The following KCNQ1 variants were observed in gnomAD, a reference collection of about 807,000 sequenced individuals.
KCNQ1 encodes the protein potassium voltage-gated channel subfamily KQT member 1.
KCNQ1 carries 49 observed loss-of-function variants against 72.4 expected under a neutral mutation model. The observed-to-expected ratio is 0.68, with a 90% CI of 0.54 to 0.86. The LOEUF (loss-of-function observed/expected upper bound fraction) is 0.86, where lower values mean the gene tolerates loss of function less well. KCNQ1 is among the 40% of genes least tolerant of loss of function. The probability of loss-of-function intolerance (pLI) is 0.00; values close to 1 mark genes in which losing one functional copy is unlikely to be tolerated. For synonymous variants in KCNQ1, 450 were observed against 412.6 expected (o/e 1.09, Z -1.10); for missense variants, 790 against 945.1 (o/e 0.84, Z 2.15).
rs1590043213 is a variant in KCNQ1 at position 2,703,969 on chromosome 11, AACGTGGGGG to A, written c.1514+41890_1514+41898del. ...CACGCTGCTCTCAGGAGTGGACAGG[AACGTGGGGG>A]AGTGGGGGTGGTTAGGACCTCAGGG... On this transcript the variant is annotated intron_variant, in intron 11 of 15. Coordinates refer to ENST00000155840, the MANE Select transcript of KCNQ1 (RefSeq NM_000218.3). This position sits in a 1 kb window ranked among gnomAD's most constrained non-coding sequence, Gnocchi z 6.4. 6.6e-6 allele frequency among the ~76,000 whole-genome samples: 1 copy of A among 152,196 alleles called. No individual in the cohort carries two copies.
At chr11:2,490,417 G>T (rs2133625497) in intron 1 of KCNQ1, among the ~76,000 whole-genome samples, 1 of 152,340 alleles carries the variant, frequency 6.6e-6, no homozygotes, top group South Asian at 2.1e-4. Context: ...GAGCCCTGGG[G>T]CTTTGAGTGA....
At chr11:2,628,467 A>C (rs10766236) in intron 10 of KCNQ1, 355,439 of 398,310 alleles carry the variant, frequency 0.89, 158,734 homozygotes, top group East Asian at 0.91. Context: ...TCCCTTGTCC[A>C]TCTTAACAGG....
At chr11:2,514,570 G>A (rs935349429) in intron 1 of KCNQ1, among the ~76,000 whole-genome samples, 1 of 152,222 alleles carries the variant, frequency 6.6e-6, no homozygotes, top group Non-Finnish European at 1.5e-5. Flanking sequence ...GGTGGCTCAC[G>A]CCTGTAATCC....
In KCNQ1 at chr11:2,624,919, C is replaced by A; in HGVS notation, c.1393+36065C>A. The A allele has an allele frequency of 2.5e-6, 1 of 398,270 alleles. No individual in the cohort carries two copies. The highest frequency in any genetic ancestry group is 4.4e-6 in the Non-Finnish European group (1 of 226,044). The allele number at this position is 398,270 out of a possible 1,614,324, so 24.7% of individuals were successfully genotyped here. A position where few individuals can be genotyped will look rare whatever the true frequency, so the allele number is the denominator to read the frequency against. ...CATGTTGTGGCATGTGTCAAAATTT[C>A]TATTTTTTTTAAAGCTGAATAATAT... is the stretch of plus-strand genomic sequence containing the variant. On this transcript the variant is annotated intron_variant, in intron 10 of 15. Transcript: ENST00000155840. The surrounding 1 kb of genome is among the most constrained non-coding windows in gnomAD (Gnocchi z 4.9).
rs1050633465 is a variant in KCNQ1, at chr11:2,725,867, G to A, written c.1515-42977G>A. ...CTCCCTGGGGCCCCACAGGCCAAGC[G>A]TTTTCTGACTTGGAGAGGCAGGAGG... On this transcript the variant is annotated intron_variant, in intron 11 of 15. Coordinates refer to ENST00000155840, the MANE Select transcript of KCNQ1 (RefSeq NM_000218.3). This position sits in a 1 kb window ranked among gnomAD's most constrained non-coding sequence, Gnocchi z 7.2. Among the ~76,000 whole-genome samples, 2 of 150,514 alleles carry A rather than the reference G, an allele frequency of 1.3e-5. No homozygotes were observed. Among genetic ancestry groups the A allele is most frequent in the Non-Finnish European group, 3.0e-5 (2 of 67,664 alleles).
At position 2,712,973 on chromosome 11, in the gene KCNQ1, TCCTGGTAAGTATGAGGAACCAGAGA is replaced by T. The variant is rs1211590777; in HGVS notation, c.1514+50914_1514+50938del. Among the ~76,000 whole-genome samples, 7 of 151,920 alleles carry T rather than the reference TCCTGGTAAGTATGAGGAACCAGAGA, an allele frequency of 4.6e-5. No individual in the cohort carries two copies. Among genetic ancestry groups the T allele is most frequent in the Non-Finnish European group, 1.0e-4 (7 of 68,000 alleles). ...GGTTGTAAACAGGGTGGGGCAGGGG[TCCTGGTAAGTATGAGGAACCAGAGA>T]CCTGGTAAGTATGAGGAACCACCCC... On this transcript the variant is annotated intron_variant, in intron 11 of 15. Coordinates refer to ENST00000155840, the MANE Select transcript of KCNQ1 (RefSeq NM_000218.3). This position sits in a 1 kb window ranked among gnomAD's most constrained non-coding sequence, Gnocchi z 6.4.
intron 15 of KCNQ1, among the ~76,000 whole-genome samples, chr11:2,839,370 G>A (rs1193636367): frequency 5.3e-5 from 8 of 152,256 alleles, no homozygotes; most frequent in African/African-American, 1.9e-4. Context: ...TGACATGAAT[G>A]TCCGCACGGA....
rs1484434548 is a variant in KCNQ1, at chr11:2,536,437, C to G, written c.477+8419C>G. ...GGAGTGGAGGCTGGCGCTGCCCTGC[C>G]CCACAGGGTGGCTGGCAGGGCTCAG... On this transcript the variant is annotated intron_variant, in intron 2 of 15. Transcript: ENST00000155840. This position sits in a 1 kb window ranked among gnomAD's most constrained non-coding sequence, Gnocchi z 7.4. Among the ~76,000 whole-genome samples, 1 of 152,096 alleles carries G rather than the reference C, an allele frequency of 6.6e-6. No individual in the cohort carries two copies. The highest frequency in any genetic ancestry group is 6.5e-5 in the Admixed American group (1 of 15,272).
rs373475618 is a variant in KCNQ1 at position 2,771,497 on chromosome 11, G to T, written c.1590+2578G>T. The T allele has an allele frequency of 7.9e-5, 12 of 152,330 alleles. No homozygotes were observed. The East Asian group carries it at 1.3e-3, about 17-fold the overall frequency. 9.4% of individuals were successfully genotyped at this position (152,330 alleles called of 1,614,324 possible). A position where few individuals can be genotyped will look rare whatever the true frequency, so the allele number is the denominator to read the frequency against. On this transcript the variant is annotated intron_variant, in intron 12 of 15. Transcript: ENST00000155840. ...TGATGTGGCTGAACCAAGAAAAAAA[G>T]CACACGATTTCTACAGATATTATGA...
rs1850292144 is a variant in KCNQ1, at chr11:2,676,238, G to T, written c.1514+14157G>T. Reference sequence around the variant, plus strand: ...ACATACAATGCTGATTTATTATGGTGCAGTACATCTGAGAAGCATTTTTAT... The same window carrying T: ...ACATACAATGCTGATTTATTATGGTTCAGTACATCTGAGAAGCATTTTTAT... On this transcript the variant is annotated intron_variant, in intron 11 of 15. Transcript: ENST00000155840. The surrounding 1 kb of genome is among the most constrained non-coding windows in gnomAD (Gnocchi z 4.2). 1 of 398,480 alleles carries T rather than the reference G, an allele frequency of 2.5e-6. No homozygotes were observed. 24.7% of individuals were successfully genotyped at this position (398,480 alleles called of 1,614,324 possible).
rs1846847896 is a variant in KCNQ1 at position 2,782,870 on chromosome 11, C to G, written c.1794+4833C>G. On this transcript the variant is annotated intron_variant, in intron 15 of 15. Transcript: ENST00000155840. This position sits in a 1 kb window ranked among gnomAD's most constrained non-coding sequence, Gnocchi z 6.1. ...CCTGTCTTATTAAATGTTTCGTGGACTTCTGGCTTTGCTGATCCTCTCTAT... is the reference window on the plus strand; with the variant it reads ...CCTGTCTTATTAAATGTTTCGTGGAGTTCTGGCTTTGCTGATCCTCTCTAT... 2.0e-5 allele frequency among the ~76,000 whole-genome samples: 3 copies of G among 152,188 alleles called. No individual in the cohort carries two copies. Among genetic ancestry groups the G allele is most frequent in the Middle Eastern group, 6.8e-3 (2 of 294 alleles).
intron 1 of KCNQ1, among the ~76,000 whole-genome samples, chr11:2,518,252 C>T (rs889391923): frequency 1.3e-5 from 2 of 152,228 alleles, no homozygotes; most frequent in South Asian, 2.1e-4. Flanking sequence ...AAGCCAGAGC[C>T]GGAGGCCTCC....
chr11:2,584,059 T>C (rs1230601010), intron 7 of KCNQ1, among the ~76,000 whole-genome samples: 1 of 152,182 alleles, frequency 6.6e-6, no homozygotes, highest in Admixed American at 6.5e-5. Flanking sequence ...TTATGTTACC[T>C]GTATACTATG....
intron 11 of KCNQ1, among the ~76,000 whole-genome samples, chr11:2,755,698 A>C (rs2133967774): frequency 2.0e-5 from 3 of 152,374 alleles, no homozygotes; most frequent in East Asian, 3.9e-4. Flanking sequence ...CATAGGTTCT[A>C]GGACATCTTT....
In KCNQ1 at chr11:2,691,440, C is replaced by T; in HGVS notation, c.1514+29359C>T. ...GGGAGTCCACTGAAGCTCCCTGCCC[C>T]CACTGAGTCTCTGATGTTGACAGCC... On this transcript the variant is annotated intron_variant, in intron 11 of 15. Coordinates refer to ENST00000155840, the MANE Select transcript of KCNQ1 (RefSeq NM_000218.3). The surrounding 1 kb of genome is among the most constrained non-coding windows in gnomAD (Gnocchi z 6.4). 1 of 398,628 alleles carries T rather than the reference C, an allele frequency of 2.5e-6. No homozygotes were observed. Among genetic ancestry groups the T allele is most frequent in the East Asian group, 3.6e-5 (1 of 28,064 alleles). 24.7% of individuals were successfully genotyped at this position (398,628 alleles called of 1,614,324 possible).
intron 11 of KCNQ1, among the ~76,000 whole-genome samples, chr11:2,760,504 G>A (rs950652917): frequency 3.3e-5 from 5 of 152,144 alleles, no homozygotes; most frequent in Admixed American, 6.5e-5. Flanking sequence ...CCAAGCCCCC[G>A]CTGGGCAGCA....
chr11:2,640,144 CT>C (rs1849549808), intron 10 of KCNQ1: 1 of 354,110 alleles, frequency 2.8e-6, no homozygotes, highest in South Asian at 1.5e-4. Context: ...TCCCTGACCC[CT>C]TGTGCTTCCC....
At chr11:2,548,258 T>C (rs1043800127) in intron 2 of KCNQ1, among the ~76,000 whole-genome samples, 4 of 152,152 alleles carry the variant, frequency 2.6e-5, no homozygotes, top group African/African-American at 9.7e-5. Context: ...GGTGGAAAGA[T>C]GGTGGCTTCG....
chr11:2,470,467 G>A (rs900767609), intron 1 of KCNQ1, among the ~76,000 whole-genome samples: 8 of 152,100 alleles, frequency 5.3e-5, no homozygotes, highest in Non-Finnish European at 8.8e-5. Flanking sequence ...CCAGGGAGGC[G>A]GAAGAACATC....
Sources: allele counts gnomAD v4.1 joint callset (sites outside exome capture counted in the v4.1 genomes callset), GRCh38; gene constraint gnomAD v4.1.1; non-coding constraint Gnocchi (gnomAD v3.1); transcripts MANE v1.5; gene names NCBI Gene and HGNC (gene_info 2026-07-23, HGNC 2026-07-21).